Variants in FHIT observed in about 807,000 individuals in gnomAD.
The protein encoded by FHIT is fragile histidine triad diadenosine triphosphatase, also known as bis(5'-adenosyl)-triphosphatase.
A neutral mutation model predicts 17.9 loss-of-function variants in FHIT; 19 were observed. That is an observed-to-expected ratio of 1.06 (90% CI 0.74 to 1.56). FHIT has a LOEUF of 1.56. FHIT is among the 40% of genes most tolerant of loss of function. The pLI is 0.00. For missense variants in FHIT, 248 were observed against 189.2 expected (o/e 1.31, Z -1.82); for synonymous variants, 81 against 69.7 (o/e 1.16, Z -0.81).
chr3:60,502,809 T>C (rs1341312518), intron 5 of FHIT, among the ~76,000 whole-genome samples: 1 of 152,162 alleles, frequency 6.6e-6, no homozygotes, highest in Non-Finnish European at 1.5e-5. Context: ...GTGTGAAGTA[T>C]ATATCAAAAA....
intron 5 of FHIT, among the ~76,000 whole-genome samples, chr3:60,375,538 G>A (rs1700518091): frequency 6.6e-6 from 1 of 152,064 alleles, no homozygotes; most frequent in South Asian, 2.1e-4. Context: ...TCACGCCACT[G>A]CACTCCAGCC....
intron 5 of FHIT, among the ~76,000 whole-genome samples, chr3:60,312,725 A>G (rs192076312): frequency 6.6e-6 from 1 of 152,288 alleles, no homozygotes; most frequent in East Asian, 1.9e-4. Context: ...GGGAGGACCT[A>G]CTTTATTTTT....
intron 5 of FHIT, among the ~76,000 whole-genome samples, chr3:60,136,838 A>C (rs541688152): frequency 1.1e-4 from 16 of 150,956 alleles, no homozygotes; most frequent in African/African-American, 3.5e-4. Context: ...ATTTTATACA[A>C]ACATGCCCTA....
rs2036700256 is a variant in FHIT, at chr3:61,129,328, G to A, written c.-164+71289C>T. On this transcript the variant is annotated intron_variant, in intron 2 of 9. Transcript: ENST00000492590. ...AGCAATTTGTGGCATCTAAATACAT[G>A]CATAATTTTTATCCCGTCTGGTTTT... Among the ~76,000 whole-genome samples the A allele has an allele frequency of 2.6e-5, 4 of 152,154 alleles. 1 individual carries two copies. The highest frequency in any genetic ancestry group is 2.6e-4 in the Admixed American group (4 of 15,276).
At chr3:60,873,838 A>T (rs1233989768) in intron 3 of FHIT, among the ~76,000 whole-genome samples, 1 of 152,152 alleles carries the variant, frequency 6.6e-6, no homozygotes, top group Non-Finnish European at 1.5e-5. Context: ...GCCCTTTACA[A>T]TATTTAGATA....
intron 5 of FHIT, among the ~76,000 whole-genome samples, chr3:60,411,226 A>T (rs576787735): frequency 2.3e-4 from 35 of 152,286 alleles, no homozygotes; most frequent in African/African-American, 8.2e-4. Context: ...CTTAAATCTG[A>T]TGACTTGGGT....
intron 5 of FHIT, among the ~76,000 whole-genome samples, chr3:60,425,092 A>T (rs950590639): frequency 1.3e-5 from 2 of 152,064 alleles, no homozygotes; most frequent in African/African-American, 4.8e-5. Flanking sequence ...TGGTAGAAAC[A>T]CATGGATCAA....
intron 5 of FHIT, among the ~76,000 whole-genome samples, chr3:60,029,879 T>TAGTGTGTGTGTGTGTGTGTG (rs1553655670): frequency 1.5e-5 from 2 of 131,402 alleles, no homozygotes; most frequent in African/African-American, 5.6e-5. Context: ...CATAGAAGCA[T>TAGTGTGTGTGTGTGTGTGTG]TGTGTGTGTG....
intron 5 of FHIT, among the ~76,000 whole-genome samples, chr3:60,380,496 G>C (rs547468083): frequency 6.6e-6 from 1 of 152,240 alleles, no homozygotes; most frequent in African/African-American, 2.4e-5. Context: ...GTCTAACACA[G>C]TCAGTGTCGT....
At chr3:60,729,509 T>G (rs534202107) in intron 4 of FHIT, among the ~76,000 whole-genome samples, 3 of 152,162 alleles carry the variant, frequency 2.0e-5, no homozygotes, top group Non-Finnish European at 4.4e-5. Context: ...AAACAAAGTA[T>G]AAAAGTGCCC....
intron 4 of FHIT, among the ~76,000 whole-genome samples, chr3:60,809,496 G>C (rs1701504562): frequency 1.3e-5 from 2 of 152,066 alleles, no homozygotes; most frequent in African/African-American, 4.8e-5. Flanking sequence ...CATTTAAAAA[G>C]CATAAAAAAC....
chr3:60,911,115 T>A (rs1402484655), intron 3 of FHIT, among the ~76,000 whole-genome samples: 2 of 152,214 alleles, frequency 1.3e-5, no homozygotes, highest in African/African-American at 4.8e-5. Context: ...TTTCAGTATG[T>A]GGTTTAAAAG....
At chr3:60,268,863 C>T (rs148652397) in intron 5 of FHIT, among the ~76,000 whole-genome samples, 3,550 of 152,130 alleles carry the variant, frequency 0.023, 67 homozygotes, top group Middle Eastern at 0.082. Context: ...GTGGGCCCAA[C>T]ATAATCACAA....
intron 2 of FHIT, among the ~76,000 whole-genome samples, chr3:61,122,068 C>T (rs2106925200): frequency 6.6e-6 from 1 of 152,260 alleles, no homozygotes; most frequent in Middle Eastern, 3.4e-3. Context: ...GCCAAAAGAA[C>T]AAAGCTGGAG....
chr3:61,059,750 A>G (rs2034358906), intron 2 of FHIT, among the ~76,000 whole-genome samples: 1 of 152,184 alleles, frequency 6.6e-6, no homozygotes, highest in Non-Finnish European at 1.5e-5. Context: ...CAGGTCCTCA[A>G]CGTCGTTCTT....
intron 5 of FHIT, among the ~76,000 whole-genome samples, chr3:60,507,621 T>A (rs183949213): frequency 6.6e-6 from 1 of 152,180 alleles, no homozygotes; most frequent in African/African-American, 2.4e-5. Context: ...ATCACCCAGG[T>A]ATTAAGTCTA....
chr3:61,150,227 G>A (rs137953678), intron 2 of FHIT, among the ~76,000 whole-genome samples: 1 of 152,280 alleles, frequency 6.6e-6, no homozygotes, highest in East Asian at 1.9e-4. Context: ...GGAAGATACA[G>A]AGCCCACTGA....
At chr3:60,194,456 A>C (rs548998267) in intron 5 of FHIT, among the ~76,000 whole-genome samples, 83 of 152,314 alleles carry the variant, frequency 5.4e-4, no homozygotes, top group African/African-American at 1.9e-3. Context: ...TTAAAGACCT[A>C]AATCTAAGAC....
chr3:60,064,847 T>C lies in FHIT; in HGVS notation c.104-50695A>G, dbSNP rs546591792. ...TGCTGTGTTAGGCACTTCGCAAGTA[T>C]TATCTCATTTACTTCTCATTTAAAA... On this transcript the variant is annotated intron_variant, in intron 5 of 9. Coordinates refer to ENST00000492590, the MANE Select transcript of FHIT (RefSeq NM_002012.4). Among the ~76,000 whole-genome samples, 8 of 152,348 alleles carry C rather than the reference T, an allele frequency of 5.3e-5. No individual in the cohort carries two copies. The East Asian group carries it at 1.5e-3, about 29-fold the overall frequency.
Sources: gnomAD v4.1 joint callset for allele counts (sites outside exome capture counted in the v4.1 genomes callset) on GRCh38, gnomAD v4.1.1 for gene constraint, MANE v1.5 for transcripts, NCBI Gene and HGNC (gene_info 2026-07-23, HGNC 2026-07-21) for gene names.